Variants in LRRC71 observed in about 807,000 individuals in gnomAD.
LRRC71 encodes leucine rich repeat containing 71, also known as leucine-rich repeat-containing protein 71.
In LRRC71, 54 loss-of-function variants were observed where a neutral mutation model predicts 66.6. That is an observed-to-expected ratio of 0.81 (90% CI 0.65 to 1.02). LRRC71 has a LOEUF of 1.02. Among genes scored for constraint, LRRC71 ranks in the 50% least tolerant of loss-of-function variants. The pLI is 0.00. For synonymous variants in LRRC71, 323 were observed against 303.9 expected (o/e 1.06, Z -0.65); for missense variants, 724 against 718.0 (o/e 1.01, Z -0.10).
At chr1:156,936,497 A>AAT (rs1553192804), downstream of LRRC71, among the ~76,000 whole-genome samples, 876 of 33,896 alleles carry the variant, frequency 0.026, 25 homozygotes, top group Middle Eastern at 0.045. Flanking sequence ...AAAAAAAAAA[A>AAT]ATATATATAT....
intron 7 of LRRC71, 28 bp downstream of exon 7, chr1:156,927,683 T>G: frequency 6.2e-7 from 1 of 1,607,206 alleles, no homozygotes; most frequent in South Asian, 1.1e-5. Flanking sequence ...AGGGACCTGC[T>G]GGGAGCAGGG....
intron 6 of LRRC71, 29 bp from the exon 7 acceptor site, chr1:156,927,467 G>T (rs1439980258): frequency 6.6e-7 from 1 of 1,519,188 alleles, no homozygotes; most frequent in South Asian, 1.3e-5. Context: ...CTTTTCCAGC[G>T]ACCCACATTC....
At chr1:156,933,845 T>G (rs149349489), downstream of LRRC71, among the ~76,000 whole-genome samples, 2,173 of 152,292 alleles carry the variant, frequency 0.014, 26 homozygotes, top group South Asian at 0.04. Context: ...AGATTCAACC[T>G]GTTCCACATT....
chr1:156,920,785 C>A lies in LRRC71; in HGVS notation c.-19C>A, dbSNP rs898106993. 1.1e-5 allele frequency: 17 copies of A among 1,494,238 alleles called. No homozygotes were observed. The allele number at this position is 1,494,238 out of a possible 1,614,324, so 92.6% of individuals were successfully genotyped here. A position where few individuals can be genotyped will look rare whatever the true frequency, so the allele number is the denominator to read the frequency against. On this transcript the variant is annotated 5_prime_UTR_variant, in exon 1 of 15. Transcript: ENST00000337428. The surrounding 1 kb of genome is among the most constrained non-coding windows in gnomAD (Gnocchi z 4.9). ...CCTGCCCCGACGAAGGTCCCAGAGA[C>A]GCTGCGGACAACACCAGCATGTCGA...
downstream of LRRC71, chr1:156,937,174 A>C: frequency 6.3e-7 from 1 of 1,599,374 alleles, no homozygotes; most frequent in Non-Finnish European, 8.5e-7. Context: ...GCGAAGACAC[A>C]CATCTCACTC....
chr1:156,933,859 T>A (rs577802111), downstream of LRRC71, among the ~76,000 whole-genome samples: 1 of 152,328 alleles, frequency 6.6e-6, no homozygotes, highest in Admixed American at 6.5e-5. Context: ...CCACATTCTC[T>A]AGTCCTACTT....
intron 14 of LRRC71, 131 bp downstream of exon 14, chr1:156,932,676 A>G (rs778090724): frequency 1.3e-6 from 2 of 1,594,776 alleles, no homozygotes; most frequent in Non-Finnish European, 1.7e-6. Flanking sequence ...CTTCTTTTTA[A>G]TAATCACAAC....
At chr1:156,934,563 ATG>A (rs1175967568), downstream of LRRC71, among the ~76,000 whole-genome samples, 1 of 151,982 alleles carries the variant, frequency 6.6e-6, no homozygotes, top group Non-Finnish European at 1.5e-5. Flanking sequence ...ATATCTATAT[ATG>A]TGTGTATATA....
rs984167411 is a variant in LRRC71, at chr1:156,927,365, G to A, written c.662+95G>A. On this transcript the variant is annotated intron_variant, in intron 6 of 14. Coordinates refer to ENST00000337428, the MANE Select transcript of LRRC71 (RefSeq NM_144702.3). ...CCCTTCCTTGTCCCCCTACCATCTCGGCAAGGGCCCTCGATTTCTGCCCCT... is the reference window on the plus strand; with the variant it reads ...CCCTTCCTTGTCCCCCTACCATCTCAGCAAGGGCCCTCGATTTCTGCCCCT... 2.6e-6 allele frequency: 4 copies of A among 1,534,756 alleles called. No homozygotes were observed. The Admixed American group carries it at 5.4e-5, about 21-fold the overall frequency.
chr1:156,939,376 C>T, the LRRC71 span: 5 of 871,968 alleles, frequency 5.7e-6, no homozygotes, highest in South Asian at 1.7e-5. Context: ...CTCGAATGTC[C>T]AACTCCAAAG....
Position 156,932,436 on chromosome 1 carries a change from C to G in LRRC71, c.1454C>G (p.Thr485Arg). Residue 485 changes from threonine (T) to arginine (R), a missense_variant, in exon 14 of 15, where the codon ACA becomes AGA. Thr to Arg is a moderately conservative substitution (Grantham distance 71). Transcript: ENST00000337428. ...TAACTTCCACCAGGGAACCGCATCA[C>G]AGAGGTGGGGCTGGAGGGCTTCCTC... is the stretch of plus-strand genomic sequence containing the variant. The part of the protein sequence containing the change: ...LHLNLIRNRI[T>R]EVGLEGFLAT... The G allele has an allele frequency of 6.2e-7, 1 of 1,613,364 alleles. No homozygotes were observed. The highest frequency in any genetic ancestry group is 8.5e-7 in the Non-Finnish European group (1 of 1,179,818).
chr1:156,928,808 T>C (rs891130871), intron 9 of LRRC71, among the ~76,000 whole-genome samples: 10 of 152,042 alleles, frequency 6.6e-5, no homozygotes, highest in African/African-American at 2.4e-4. Flanking sequence ...TGGTCTCAAA[T>C]GATCCGCCCA....
chr1:156,938,574 A>C, the LRRC71 span: 1 of 1,535,378 alleles, frequency 6.5e-7, no homozygotes, highest in Non-Finnish European at 9.0e-7. Flanking sequence ...AAGGGAAGGG[A>C]GAGAGAACAG....
At chr1:156,925,161 T>C in intron 5 of LRRC71, 146 bp downstream of exon 5, 1 of 750,484 alleles carries the variant, frequency 1.3e-6, no homozygotes, top group South Asian at 1.7e-5. Flanking sequence ...GCAATGTCTG[T>C]TGGATCATGA....
At chr1:156,932,764 C>T (rs1654577026) in intron 14 of LRRC71, 89 bp from the exon 15 acceptor site, 1 of 1,457,000 alleles carries the variant, frequency 6.9e-7, no homozygotes, top group Non-Finnish European at 9.4e-7. Flanking sequence ...AGCCCCTAAC[C>T]CACCCTGCCC....
chr1:156,925,043 C>G, intron 5 of LRRC71, 28 bp downstream of exon 5: 5 of 1,550,012 alleles, frequency 3.2e-6, no homozygotes, highest in Non-Finnish European at 4.4e-6. Context: ...CCCCCTGTGC[C>G]TGGGAAGCCT....
chr1:156,936,480 GAAAAAAA>G (rs35863393), downstream of LRRC71, among the ~76,000 whole-genome samples: 8 of 48,022 alleles, frequency 1.7e-4, no homozygotes, highest in African/African-American at 4.7e-4. Context: ...CAAATAAATA[GAAAAAAA>G]AAAAAAAAAA....
intron 9 of LRRC71, among the ~76,000 whole-genome samples, chr1:156,928,639 C>T (rs1214042307): frequency 1.5e-5 from 2 of 135,044 alleles, no homozygotes; most frequent in Non-Finnish European, 3.1e-5. Context: ...GGTGTGATCT[C>T]GGTTCACTGC....
At chr1:156,925,041 G>A in intron 5 of LRRC71, 26 bp downstream of exon 5, 1 of 1,550,214 alleles carries the variant, frequency 6.5e-7, no homozygotes, top group Non-Finnish European at 8.7e-7. Flanking sequence ...GGCCCCCTGT[G>A]CCTGGGAAGC....
Sources: gnomAD v4.1 joint callset for allele counts (sites outside exome capture counted in the v4.1 genomes callset) on GRCh38, gnomAD v4.1.1 for gene constraint, Gnocchi (gnomAD v3.1) non-coding constraint, MANE v1.5 for transcripts, NCBI Gene and HGNC (gene_info 2026-07-23, HGNC 2026-07-21) for gene names.